The following GLP2R variants were observed in gnomAD, a reference collection of about 807,000 sequenced individuals.
GLP2R encodes the protein glucagon-like peptide 2 receptor.
In GLP2R, 59 loss-of-function variants were observed where a neutral mutation model predicts 68.2. That is an observed-to-expected ratio of 0.87 (90% CI 0.70 to 1.07). The LOEUF is 1.07. GLP2R is among the 50% of genes least tolerant of loss of function. The probability of loss-of-function intolerance (pLI) is 0.00; values close to 1 mark genes in which losing one functional copy is unlikely to be tolerated. For synonymous variants in GLP2R, 270 were observed against 265.4 expected, an observed-to-expected ratio of 1.02 and a Z score of -0.17; for missense variants, 548 against 677.4, an observed-to-expected ratio of 0.81 and a Z score of 2.12.
rs577881775 is a variant in GLP2R, at chr17:9,837,061, G to A, written c.382+586G>A. On this transcript the variant is annotated intron_variant, in intron 3 of 12. Transcript: ENST00000262441. The stretch of plus-strand genomic sequence containing the variant: ...GTAGAGACGGGATTTCACTGTGTTA[G>A]CCAGGATGGTCTCAGTCTCCTGACC... 2.6e-5 allele frequency among the ~76,000 whole-genome samples: 4 copies of A among 152,022 alleles called. No homozygotes were observed. In the East Asian group the frequency reaches 5.8e-4, roughly 22 times the overall value.
At chr17:9,889,146 C>G (rs561580052) in intron 12 of GLP2R, among the ~76,000 whole-genome samples, 27 of 152,296 alleles carry the variant, frequency 1.8e-4, no homozygotes, top group African/African-American at 6.3e-4. Context: ...TCCTGAACAC[C>G]CTGTCTTAAG....
Position 9,880,522 on chromosome 17 carries a change from T to C in GLP2R, c.1284+6T>C, listed in dbSNP as rs1170530469. The stretch of plus-strand genomic sequence containing the variant: ...TGACACTGAGCTCCTTTCATGTAAG[T>C]AGAAATCTGAACCAAAATGCCTTGA... On this transcript the variant is annotated splice_donor_region_variant and intron_variant, in intron 11 of 12. Transcript: ENST00000262441. The C allele has an allele frequency of 6.3e-7, 1 of 1,576,652 alleles. No homozygotes were observed. The highest frequency in any genetic ancestry group is 8.6e-7 in the Non-Finnish European group (1 of 1,157,324).
chr17:9,860,157 C>A, intron 7 of GLP2R, 56 bp downstream of exon 7: 3 of 1,455,186 alleles, frequency 2.1e-6, no homozygotes, highest in Middle Eastern at 1.8e-4. Context: ...ATATGGGAGC[C>A]TGATAGAGAC....
At chr17:9,861,104 A>G in intron 7 of GLP2R, 35 bp from the exon 8 acceptor site, 2 of 1,587,260 alleles carry the variant, frequency 1.3e-6, no homozygotes, top group Admixed American at 3.3e-5. Flanking sequence ...TGGCCAACCA[A>G]CTCCTAACTA....
At position 9,891,968 on chromosome 17, in the gene GLP2R, C is replaced by T. The variant is rs2152052796; in HGVS notation, c.*2263C>T. The T allele has an allele frequency of 6.6e-6, 1 of 152,286 alleles. No individual in the cohort carries two copies. Among genetic ancestry groups the T allele is most frequent in the Non-Finnish European group, 1.5e-5 (1 of 68,024 alleles). 9.4% of individuals were successfully genotyped at this position (152,286 alleles called of 1,614,324 possible). ...CTGCTGGGAGTAAGTGATCCAGGAC[C>T]TTACCGCTAAGAGGAGAAACTTTTT... is the stretch of plus-strand genomic sequence containing the variant. On this transcript the variant is annotated 3_prime_UTR_variant, in exon 13 of 13. Transcript: ENST00000262441.
At chr17:9,847,507 A>G (rs779883004) in intron 4 of GLP2R, among the ~76,000 whole-genome samples, 7 of 152,056 alleles carry the variant, frequency 4.6e-5, no homozygotes, top group Non-Finnish European at 1.0e-4. Flanking sequence ...TGACCTCGTG[A>G]TCTGTCCGCC....
At chr17:9,859,636 A>AAAATATAT (rs1555571772) in intron 6 of GLP2R, among the ~76,000 whole-genome samples, 2 of 143,090 alleles carry the variant, frequency 1.4e-5, no homozygotes, top group Non-Finnish European at 3.0e-5. Flanking sequence ...ACTAAAAAAA[A>AAAATATAT]ATATATATAT....
intron 2 of GLP2R, among the ~76,000 whole-genome samples, chr17:9,835,477 T>C (rs2066719335): frequency 6.6e-6 from 1 of 152,198 alleles, no homozygotes; most frequent in African/African-American, 2.4e-5. Flanking sequence ...ATGGTCCAAG[T>C]ATCTAATAAT....
chr17:9,845,470 G>A (rs1026564769), intron 4 of GLP2R, among the ~76,000 whole-genome samples: 3 of 152,258 alleles, frequency 2.0e-5, no homozygotes, highest in South Asian at 4.1e-4. Flanking sequence ...GAAAATACCC[G>A]CTTTGCAGGC....
At chr17:9,849,935 A>G (rs2152036490) in intron 4 of GLP2R, among the ~76,000 whole-genome samples, 1 of 152,212 alleles carries the variant, frequency 6.6e-6, no homozygotes, top group South Asian at 2.1e-4. Flanking sequence ...TTTATTCCTA[A>G]AACTGCCACA....
intron 5 of GLP2R, among the ~76,000 whole-genome samples, chr17:9,855,061 G>A (rs766418548): frequency 8.6e-5 from 13 of 152,040 alleles, no homozygotes; most frequent in East Asian, 1.9e-4. Flanking sequence ...GAAGTTTTTC[G>A]TTTAATATTT....
chr17:9,860,116 CT>C lies in GLP2R; in HGVS notation c.925+17del. The C allele has an allele frequency of 6.4e-7, 1 of 1,564,974 alleles. No individual in the cohort carries two copies. Among genetic ancestry groups the C allele is most frequent in the Non-Finnish European group, 8.7e-7 (1 of 1,153,340 alleles). On this transcript the variant is annotated intron_variant, in intron 7 of 12. Transcript: ENST00000262441. Reference sequence around the variant, plus strand: ...GTTGGGTTGGGGTGAGTGACCTGACCTTCAGCTTCCTTTCCTGGGGATCCAT... The same window carrying C: ...GTTGGGTTGGGGTGAGTGACCTGACCTCAGCTTCCTTTCCTGGGGATCCAT...
chr17:9,843,098 A>G (rs1438792907), intron 4 of GLP2R, among the ~76,000 whole-genome samples: 4 of 125,788 alleles, frequency 3.2e-5, no homozygotes, highest in Non-Finnish European at 6.3e-5. Flanking sequence ...CTTATTTGTT[A>G]TCTAGCCCTC....
At chr17:9,873,556 C>CCTTTTT (rs2067115336) in intron 10 of GLP2R, among the ~76,000 whole-genome samples, 1 of 52,076 alleles carries the variant, frequency 1.9e-5, no homozygotes, top group African/African-American at 8.6e-5. Flanking sequence ...TATGCATGGA[C>CCTTTTT]TTTTTTTTTT....
At chr17:9,858,590 C>A (rs1597390562) in intron 6 of GLP2R, among the ~76,000 whole-genome samples, 2 of 152,256 alleles carry the variant, frequency 1.3e-5, no homozygotes, top group East Asian at 3.9e-4. Flanking sequence ...ATAGATTGTG[C>A]CAATTAAGCA....
intron 7 of GLP2R, among the ~76,000 whole-genome samples, 161 bp downstream of exon 7, chr17:9,860,262 CA>C (rs1196262506): frequency 6.6e-6 from 1 of 152,178 alleles, no homozygotes; most frequent in African/African-American, 2.4e-5. Flanking sequence ...TGTGTGCACA[CA>C]AATGCACACA....
intron 10 of GLP2R, among the ~76,000 whole-genome samples, chr17:9,876,096 C>A (rs950700178): frequency 1.3e-5 from 2 of 152,102 alleles, no homozygotes; most frequent in Non-Finnish European, 2.9e-5. Flanking sequence ...AGGCTGGTCT[C>A]CAACTCCCAA....
chr17:9,827,099 C>T (rs765916654), intron 1 of GLP2R, among the ~76,000 whole-genome samples: 50 of 152,064 alleles, frequency 3.3e-4, no homozygotes, highest in Non-Finnish European at 6.3e-4. Flanking sequence ...GAACTCCTGA[C>T]CTCAAGTGAT....
chr17:9,862,151 G>T, intron 9 of GLP2R, 61 bp downstream of exon 9: 1 of 1,223,330 alleles, frequency 8.2e-7, no homozygotes, highest in Non-Finnish European at 1.2e-6. Flanking sequence ...GAATCCCCCC[G>T]CCCCACCCGA....
Sources: gnomAD v4.1 joint callset for allele counts (sites outside exome capture counted in the v4.1 genomes callset) on GRCh38, gnomAD v4.1.1 for gene constraint, MANE v1.5 for transcripts, NCBI Gene and HGNC (gene_info 2026-07-23, HGNC 2026-07-21) for gene names.